Variants in JAK1 observed in about 807,000 individuals in gnomAD.
JAK1 encodes tyrosine-protein kinase JAK1.
In JAK1, 16 loss-of-function variants were observed where a neutral mutation model predicts 136.6. The observed-to-expected ratio is 0.12, with a 90% CI of 0.08 to 0.18. The LOEUF (loss-of-function observed/expected upper bound fraction) is 0.18. JAK1 is among the 10% of genes least tolerant of loss of function. The probability of loss-of-function intolerance (pLI) is 1.00; values close to 1 mark genes in which losing one functional copy is unlikely to be tolerated. For missense variants in JAK1, 859 were observed against 1,450.1 expected (o/e 0.59, Z 6.62); for synonymous variants, 492 against 519.5 (o/e 0.95, Z 0.72).
intron 2 of JAK1, among the ~76,000 whole-genome samples, chr1:65,031,313 C>G (rs1286784336): frequency 6.6e-6 from 1 of 152,174 alleles, no homozygotes; most frequent in Non-Finnish European, 1.5e-5. Context: ...AACACTACTT[C>G]TGTGGTATTT....
intron 19 of JAK1, among the ~76,000 whole-genome samples, 197 bp downstream of exon 19, chr1:64,841,048 C>T (rs988927739): frequency 3.3e-5 from 5 of 152,154 alleles, no homozygotes; most frequent in African/African-American, 9.7e-5. Context: ...ACGTGCATTC[C>T]GTCCGTGCCG....
At position 64,837,903 on chromosome 1, in the gene JAK1, G is replaced by C. The variant is rs775565916; in HGVS notation, c.3140+29C>G. The C allele has an allele frequency of 2.1e-5, 34 of 1,589,434 alleles. No individual in the cohort carries two copies. The Middle Eastern group carries it at 6.7e-4, about 31-fold the overall frequency. ...AACAGTGTAAACTCTATGAAGCATT[G>C]ATAAAACCTAGTGGTTTGATTCAGT... On this transcript the variant is annotated intron_variant, in intron 22 of 24. Transcript: ENST00000342505.
In JAK1 at chr1:65,018,487, A is replaced by AGAACACACACAC. The variant is rs1394294153; in HGVS notation, c.-78+25992_-78+25993insGTGTGTGTGTTC. 2.7e-3 allele frequency among the ~76,000 whole-genome samples: 257 copies of AGAACACACACAC among 96,032 alleles called. 1 individual carries two copies. The highest frequency in any genetic ancestry group is 0.013 in the African/African-American group (248 of 19,162). 63.0% of individuals were successfully genotyped at this position (96,032 alleles called of 152,430 possible). On this transcript the variant is annotated intron_variant, in intron 2 of 25. Coordinates refer to the JAK1 transcript ENST00000671954. ...CAGAGAGAGAGAGAGAGAGAGAGAGAACACACACACACACACACACACACA... is the reference window on the plus strand; with the variant it reads ...CAGAGAGAGAGAGAGAGAGAGAGAGAGAACACACACACACACACACACACACACACACACACA...
chr1:64,838,647 G>C, intron 20 of JAK1, 58 bp from the exon 21 acceptor site: 2 of 1,586,992 alleles, frequency 1.3e-6, no homozygotes, highest in Non-Finnish European at 1.7e-6. Flanking sequence ...CCATGGGAGA[G>C]GCAAGGGCAC....
intron 1 of JAK1, among the ~76,000 whole-genome samples, chr1:64,886,751 TAC>T (rs3838404): frequency 0.17 from 24,182 of 138,592 alleles, 2,038 homozygotes; most frequent in East Asian, 0.28. Context: ...CAACCTTGTC[TAC>T]ACACACACAC....
chr1:64,964,705 C>G (rs190169203), intron 1 of JAK1, among the ~76,000 whole-genome samples: 1 of 152,250 alleles, frequency 6.6e-6, no homozygotes, highest in Non-Finnish European at 1.5e-5. Flanking sequence ...AAGACTCAGT[C>G]AAAGCACTTA....
chr1:64,893,576 C>T (rs1341556228), intron 1 of JAK1, among the ~76,000 whole-genome samples: 2 of 152,158 alleles, frequency 1.3e-5, no homozygotes, highest in African/African-American at 2.4e-5. Flanking sequence ...ATCTACTTTA[C>T]AGGGTTGTTG....
intron 1 of JAK1, among the ~76,000 whole-genome samples, chr1:65,052,771 G>A (rs6680481): frequency 0.66 from 98,660 of 148,884 alleles, 33,918 homozygotes; most frequent in Non-Finnish European, 0.76. Context: ...CTGAGATCGC[G>A]CCACTGCACT....
At chr1:64,942,973 T>A (rs1645917995) in intron 1 of JAK1, among the ~76,000 whole-genome samples, 1 of 152,206 alleles carries the variant, frequency 6.6e-6, no homozygotes, top group African/African-American at 2.4e-5. Context: ...TTAAGGAAAT[T>A]AAATACTATA....
At chr1:64,939,487 G>T (rs1440890431) in intron 1 of JAK1, among the ~76,000 whole-genome samples, 2 of 152,208 alleles carry the variant, frequency 1.3e-5, no homozygotes, top group Admixed American at 1.3e-4. Context: ...CTGGTAAAAT[G>T]CATGAACTCT....
intron 1 of JAK1, among the ~76,000 whole-genome samples, chr1:64,916,016 A>C (rs1461600149): frequency 1.3e-5 from 2 of 152,184 alleles, no homozygotes; most frequent in Admixed American, 1.3e-4. Flanking sequence ...GACTGACCTA[A>C]AGACACAGAG....
intron 1 of JAK1, among the ~76,000 whole-genome samples, chr1:65,045,098 G>A (rs762923049): frequency 1.1e-4 from 16 of 152,194 alleles, no homozygotes; most frequent in Non-Finnish European, 2.2e-4. Flanking sequence ...GGTCAGCACC[G>A]CTAAATGACT....
intron 2 of JAK1, among the ~76,000 whole-genome samples, chr1:65,011,710 C>G (rs1646850665): frequency 6.6e-6 from 1 of 152,092 alleles, no homozygotes; most frequent in African/African-American, 2.4e-5. Context: ...CAGGATGGAG[C>G]AAGGGTAGGA....
chr1:64,873,155 C>T (rs990261777), intron 5 of JAK1, among the ~76,000 whole-genome samples: 2 of 152,162 alleles, frequency 1.3e-5, no homozygotes, highest in African/African-American at 4.8e-5. Context: ...AAGGAAGCCC[C>T]AAAGCCCACA....
intron 12 of JAK1, among the ~76,000 whole-genome samples, chr1:64,849,054 C>T (rs1455698067): frequency 2.0e-5 from 3 of 152,284 alleles, no homozygotes; most frequent in African/African-American, 7.2e-5. Flanking sequence ...ATTGCTCTTC[C>T]CGTGGCCAAG....
chr1:65,059,475 A>G (rs915859313), intron 1 of JAK1, among the ~76,000 whole-genome samples: 3 of 152,226 alleles, frequency 2.0e-5, no homozygotes, highest in African/African-American at 7.2e-5. Flanking sequence ...AATTAGTAAC[A>G]TTGATATTTT....
At chr1:64,992,151 G>A (rs961894435) in intron 2 of JAK1, 7 of 152,188 alleles carry the variant, frequency 4.6e-5, no homozygotes, top group Middle Eastern at 3.4e-3. Flanking sequence ...AGGCCGAGGC[G>A]GGCGTATCCC....
chr1:64,864,541 T>A (rs985919829), intron 8 of JAK1, among the ~76,000 whole-genome samples: 1 of 152,218 alleles, frequency 6.6e-6, no homozygotes, highest in Admixed American at 6.5e-5. Context: ...CTGAGGTGTA[T>A]TTGGGAGGGA....
intron 1 of JAK1, 80 bp from the exon 2 acceptor site, chr1:64,886,421 C>T (rs1215313479): frequency 2.8e-6 from 2 of 720,490 alleles, no homozygotes; most frequent in Non-Finnish European, 4.2e-6. Context: ...ATTAAGGAAG[C>T]AGCCCAAACC....
Sources: allele counts gnomAD v4.1 joint callset (sites outside exome capture counted in the v4.1 genomes callset), GRCh38; gene constraint gnomAD v4.1.1; transcripts MANE v1.5; gene names NCBI Gene and HGNC (gene_info 2026-07-23, HGNC 2026-07-21).